RPS6KA2: variants seen among roughly 807,000 people sequenced by gnomAD.
RPS6KA2 encodes ribosomal protein S6 kinase alpha-2.
In RPS6KA2, 42 loss-of-function variants were observed where a neutral mutation model predicts 91.8. That is an observed-to-expected ratio of 0.46 (90% CI 0.36 to 0.59). The LOEUF (loss-of-function observed/expected upper bound fraction) is 0.59. Ranked by LOEUF, RPS6KA2 falls within the 20% of genes least tolerant of loss-of-function variation. The probability of loss-of-function intolerance (pLI) is 0.00; values close to 1 mark genes in which losing one functional copy is unlikely to be tolerated. For missense variants in RPS6KA2, 798 were observed against 978.5 expected, an observed-to-expected ratio of 0.82 and a Z score of 2.46; for synonymous variants, 414 against 393.6, an observed-to-expected ratio of 1.05 and a Z score of -0.61.
At chr6:166,457,438 G>A (rs1430547666) in intron 12 of RPS6KA2, among the ~76,000 whole-genome samples, 1 of 152,202 alleles carries the variant, frequency 6.6e-6, no homozygotes, top group Non-Finnish European at 1.5e-5. Flanking sequence ...GCTGAGAATG[G>A]GGTGAGGTGA....
In RPS6KA2 at chr6:166,410,717, T is replaced by G. The variant is rs1778272408; in HGVS notation, c.*2045A>C. 1 of 152,134 alleles carries G rather than the reference T, an allele frequency of 6.6e-6. No individual in the cohort carries two copies. The highest frequency in any genetic ancestry group is 6.5e-5 in the Admixed American group (1 of 15,274). The allele number at this position is 152,134 out of a possible 1,614,324, so 9.4% of individuals were successfully genotyped here. ...ACCGTGGCCGCTTTCTCACGGATGC[T>G]TTCCCTTTCACTTCCCCCACTTCTC... On this transcript the variant is annotated 3_prime_UTR_variant, in exon 21 of 21. Coordinates refer to ENST00000265678, the MANE Select transcript of RPS6KA2 (RefSeq NM_021135.6).
rs1778660018 is a variant in RPS6KA2, at chr6:166,419,795, A to G, written c.1820+87T>C. The G allele has an allele frequency of 8.2e-6, 10 of 1,223,394 alleles. No homozygotes were observed. Among genetic ancestry groups the G allele is most frequent in the Non-Finnish European group, 1.2e-5 (10 of 829,296 alleles). The allele number at this position is 1,223,394 out of a possible 1,614,324, so 75.8% of individuals were successfully genotyped here. On this transcript the variant is annotated intron_variant, in intron 18 of 20. Transcript: ENST00000265678. This position sits in a 1 kb window ranked among gnomAD's most constrained non-coding sequence, Gnocchi z 5.6. The stretch of plus-strand genomic sequence containing the variant: ...TTTGCCCACATGCGCACACTAGGAC[A>G]GGGCTGGCCCTGGTCCCCTGACAGA...
chr6:166,701,623 G>T, intron 2 of RPS6KA2: 3 of 1,318,664 alleles, frequency 2.3e-6, no homozygotes, highest in South Asian at 1.2e-5. Flanking sequence ...CTCGGATTCT[G>T]ATTGCTCAGA....
At position 166,662,492 on chromosome 6, in the gene RPS6KA2, G is replaced by T. The variant is rs1219842249; in HGVS notation, c.124-123708C>A. On this transcript the variant is annotated intron_variant, in intron 2 of 21. Coordinates refer to the RPS6KA2 transcript ENST00000503859. The surrounding 1 kb of genome is among the most constrained non-coding windows in gnomAD (Gnocchi z 4.3). ...AATCCAATGCCTATGTTACAGGAGT[G>T]CAGTTTTATGTTTGGAAAGAGTCTC... Among the ~76,000 whole-genome samples, 1 of 152,146 alleles carries T rather than the reference G, an allele frequency of 6.6e-6. No homozygotes were observed. Among genetic ancestry groups the T allele is most frequent in the Non-Finnish European group, 1.5e-5 (1 of 68,042 alleles).
intron 1 of RPS6KA2, among the ~76,000 whole-genome samples, chr6:166,559,702 A>C (rs1784282922): frequency 6.6e-6 from 1 of 152,204 alleles, no homozygotes; most frequent in Non-Finnish European, 1.5e-5. Context: ...TGTTGAATGA[A>C]AGAAAAATCA....
At chr6:166,664,438 C>T (rs1788259395) in intron 2 of RPS6KA2, among the ~76,000 whole-genome samples, 1 of 152,212 alleles carries the variant, frequency 6.6e-6, no homozygotes, top group Non-Finnish European at 1.5e-5. Context: ...AATATACACT[C>T]AACACCAAAT....
chr6:166,615,709 G>A (rs1260164064), intron 1 of RPS6KA2, among the ~76,000 whole-genome samples: 1 of 152,138 alleles, frequency 6.6e-6, no homozygotes, highest in African/African-American at 2.4e-5. Context: ...TGGTCTCCGG[G>A]ACCTCTCTCC....
chr6:166,451,367 C>A (rs4709115), intron 12 of RPS6KA2, 134 bp from the exon 13 acceptor site: 25 of 855,164 alleles, frequency 2.9e-5, no homozygotes, highest in African/African-American at 3.6e-5. Context: ...GTGCACGTGG[C>A]GTATGCCTGT....
chr6:166,712,368 G>A (rs1789888236), intron 2 of RPS6KA2, among the ~76,000 whole-genome samples: 2 of 152,234 alleles, frequency 1.3e-5, no homozygotes, highest in Non-Finnish European at 2.9e-5. Flanking sequence ...ACACTGTGCT[G>A]AGTACAGATG....
At chr6:166,759,895 C>G (rs1229307194) in intron 2 of RPS6KA2, among the ~76,000 whole-genome samples, 1 of 152,188 alleles carries the variant, frequency 6.6e-6, no homozygotes, top group Non-Finnish European at 1.5e-5. Context: ...CTTGGTGAAG[C>G]CCTACTGCAG....
chr6:166,705,672 A>C lies in RPS6KA2; in HGVS notation c.123+152528T>G, dbSNP rs534849542. On this transcript the variant is annotated intron_variant, in intron 2 of 21. Transcript: ENST00000503859. ...TATAAGATTTGGAAGGAAGATAAAA[A>C]ACATCCTTATTGGCAGATGACACAA... Among the ~76,000 whole-genome samples the C allele has an allele frequency of 4.6e-5, 7 of 152,340 alleles. No individual in the cohort carries two copies. The South Asian group carries it at 1.2e-3, about 27-fold the overall frequency.
At chr6:166,480,152 T>C (rs988970893) in intron 10 of RPS6KA2, among the ~76,000 whole-genome samples, 1 of 152,030 alleles carries the variant, frequency 6.6e-6, no homozygotes, top group East Asian at 1.9e-4. Context: ...TTATGAAAAG[T>C]GGGAAAAACA....
rs758544522 is a variant in RPS6KA2, at chr6:166,418,386, A to C, written c.1821-44T>G. On this transcript the variant is annotated intron_variant, in intron 18 of 20. Transcript: ENST00000265678. This position sits in a 1 kb window ranked among gnomAD's most constrained non-coding sequence, Gnocchi z 4.9. ...TTGTGGTAATGAGCTTGTATTTTAC[A>C]ACCTAAAATAAAGTTTGCAAGTTGA... 6.9e-7 allele frequency: 1 copy of C among 1,451,830 alleles called. No homozygotes were observed. The highest frequency in any genetic ancestry group is 1.4e-5 in the African/African-American group (1 of 71,448). The allele number at this position is 1,451,830 out of a possible 1,614,324, so 89.9% of individuals were successfully genotyped here.
Position 166,468,721 on chromosome 6 carries a change from C to T in RPS6KA2, c.972+1120G>A, listed in dbSNP as rs553186612. On this transcript the variant is annotated intron_variant, in intron 11 of 20. Coordinates refer to ENST00000265678, the MANE Select transcript of RPS6KA2 (RefSeq NM_021135.6). ...TACTAAAAATATAAAAAAAATTAGC[C>T]GGGCGTGGTGGGGGCGCCTGTAATC... Among the ~76,000 whole-genome samples the T allele has an allele frequency of 6.6e-5, 10 of 151,846 alleles. No homozygotes were observed. In the East Asian group the frequency reaches 1.6e-3, roughly 24 times the overall value.
Position 166,649,727 on chromosome 6 carries a change from G to C in RPS6KA2, c.124-110943C>G, listed in dbSNP as rs577556422. 3.9e-5 allele frequency among the ~76,000 whole-genome samples: 6 copies of C among 152,348 alleles called. No homozygotes were observed. In the South Asian group the frequency reaches 1.2e-3, roughly 32 times the overall value. On this transcript the variant is annotated intron_variant, in intron 2 of 21. Transcript: ENST00000503859. The stretch of plus-strand genomic sequence containing the variant: ...TGCAATGGATGGGATTGTAGACCCA[G>C]TGAGCTGAAGAAAAACCAGACCCCG...
intron 2 of RPS6KA2, among the ~76,000 whole-genome samples, chr6:166,800,237 A>G (rs921055129): frequency 6.6e-6 from 1 of 152,208 alleles, no homozygotes; most frequent in Non-Finnish European, 1.5e-5. Context: ...GGAGGCCGGC[A>G]AAGAGGCTTC....
At chr6:166,811,058 A>C (rs3817643) in intron 2 of RPS6KA2, among the ~76,000 whole-genome samples, 34,319 of 152,194 alleles carry the variant, frequency 0.23, 4,970 homozygotes, top group African/African-American at 0.41. Flanking sequence ...AGGACCAAGA[A>C]TACGATGACA....
chr6:166,839,696 A>AGGGGACGGGAGG (rs1433853207), intron 2 of RPS6KA2, among the ~76,000 whole-genome samples: 1 of 104,230 alleles, frequency 9.6e-6, no homozygotes, highest in Non-Finnish European at 2.0e-5. Flanking sequence ...AGGAGAGGGG[A>AGGGGACGGGAGG]GGAGAGGAGA....
intron 2 of RPS6KA2, among the ~76,000 whole-genome samples, chr6:166,778,433 A>G (rs537400782): frequency 8.2e-4 from 125 of 152,366 alleles, no homozygotes; most frequent in African/African-American, 2.9e-3. Context: ...CTACTAAAGA[A>G]TTCTTTAAAC....
Sources: gnomAD v4.1 joint callset for allele counts (sites outside exome capture counted in the v4.1 genomes callset) on GRCh38, gnomAD v4.1.1 for gene constraint, Gnocchi (gnomAD v3.1) non-coding constraint, MANE v1.5 for transcripts, NCBI Gene and HGNC (gene_info 2026-07-23, HGNC 2026-07-21) for gene names.